Variants in PRSS8 observed in about 807,000 individuals in gnomAD.
The protein encoded by PRSS8 is prostasin.
A neutral mutation model predicts 26.7 loss-of-function variants in PRSS8; 11 were observed. The ratio of observed to expected loss-of-function variants is 0.41; its 90% CI spans 0.26 to 0.68. PRSS8 has a LOEUF of 0.68. Ranked by LOEUF, PRSS8 falls within the 30% of genes least tolerant of loss-of-function variation. The pLI, the probability that PRSS8 is intolerant of heterozygous loss-of-function variation, is 0.30. For missense variants in PRSS8, 362 were observed against 443.5 expected (o/e 0.82, Z 1.65); for synonymous variants, 183 against 187.0 (o/e 0.98, Z 0.17).
chr16:31,134,990 C>T, intron 2 of PRSS8, 164 bp downstream of exon 2: 1 of 821,160 alleles, frequency 1.2e-6, no homozygotes, highest in Non-Finnish European at 1.9e-6. Context: ...CAAGTCCCTG[C>T]TTCTCTGCCC....
rs758060792 is a variant in PRSS8, at chr16:31,133,175, G to A, written c.266+51C>T. The A allele has an allele frequency of 1.2e-6, 2 of 1,611,648 alleles. No individual in the cohort carries two copies. Among genetic ancestry groups the A allele is most frequent in the Admixed American group, 1.7e-5 (1 of 59,986 alleles). ...AGAACCCCAACCTCTGACCTGGATT[G>A]ACCCATTAACTTTGACCTCCAGCCC... is the stretch of plus-strand genomic sequence containing the variant. On this transcript the variant is annotated intron_variant, in intron 3 of 5. Coordinates refer to ENST00000317508, the MANE Select transcript of PRSS8 (RefSeq NM_002773.5). This position sits in a 1 kb window ranked among gnomAD's most constrained non-coding sequence, Gnocchi z 4.7.
chr16:31,131,464 T>G lies in PRSS8; in HGVS notation c.*545A>C. ...TCAAACATTTTAATCATTTCTGCCC[T>G]GTTACTCCCACCCCAGATCCAAGCG... is the stretch of plus-strand genomic sequence containing the variant. On this transcript the variant is annotated 3_prime_UTR_variant, in exon 6 of 6. Coordinates refer to ENST00000317508, the MANE Select transcript of PRSS8 (RefSeq NM_002773.5). 1.6e-6 allele frequency: 1 copy of G among 635,230 alleles called. No individual in the cohort carries two copies. The highest frequency in any genetic ancestry group is 2.0e-5 in the South Asian group (1 of 49,524). 39.3% of individuals were successfully genotyped at this position (635,230 alleles called of 1,614,324 possible). A position where few individuals can be genotyped will look rare whatever the true frequency, so the allele number is the denominator to read the frequency against.
Position 31,131,851 on chromosome 16 carries a change from C to G in PRSS8, c.*158G>C. ...CAGTGATGGTCCCAAAAAGCACACC[C>G]AGAAGAATGGGCTCAAAGATCAAGA... is the stretch of plus-strand genomic sequence containing the variant. On this transcript the variant is annotated 3_prime_UTR_variant, in exon 6 of 6. Coordinates refer to ENST00000317508, the MANE Select transcript of PRSS8 (RefSeq NM_002773.5). 2 of 777,146 alleles carry G rather than the reference C, an allele frequency of 2.6e-6. No homozygotes were observed. The highest frequency in any genetic ancestry group is 4.0e-6 in the Non-Finnish European group (2 of 504,558). The allele number at this position is 777,146 out of a possible 1,614,324, so 48.1% of individuals were successfully genotyped here.
chr16:31,132,894 G>T lies in PRSS8; in HGVS notation c.326C>A (p.Ser109Tyr), dbSNP rs1255246518. 6.2e-6 allele frequency: 10 copies of T among 1,613,524 alleles called. No individual in the cohort carries two copies. Among genetic ancestry groups the T allele is most frequent in the Non-Finnish European group, 8.5e-6 (10 of 1,179,768 alleles). The change falls in exon 4 of 6, where the codon TCC (serine) becomes TAC (tyrosine). Residue 109 changes from serine (S) to tyrosine (Y), a missense_variant. Physicochemically the swap from Ser to Tyr is moderately radical, Grantham distance 144. Transcript: ENST00000317508. The surrounding 1 kb of genome is among the most constrained non-coding windows in gnomAD (Gnocchi z 5.2). ...CAGGGTGCTGACCTTGGCGTCCTCG[G>T]AGTAGGAGTCTAGCTGGTGGGCCCC... Reference protein sequence around the residue: ...KLGAHQLDSYSEDAKVSTLKD... With the variant: ...KLGAHQLDSYYEDAKVSTLKD...
rs544693958 is a variant in PRSS8, at chr16:31,131,670, C to T, written c.*339G>A. The T allele has an allele frequency of 6.1e-4, 247 of 404,834 alleles. 1 individual carries two copies. The highest frequency in any genetic ancestry group is 9.0e-4 in the Non-Finnish European group (203 of 224,816). 25.1% of individuals were successfully genotyped at this position (404,834 alleles called of 1,614,324 possible). A position where few individuals can be genotyped will look rare whatever the true frequency, so the allele number is the denominator to read the frequency against. On this transcript the variant is annotated 3_prime_UTR_variant, in exon 6 of 6. Coordinates refer to ENST00000317508, the MANE Select transcript of PRSS8 (RefSeq NM_002773.5). ...TGCTCATCAGTCTGGGCAGGCGGGC[C>T]GGGAGCAGTCTTCCAGAAACAGGTG...
In PRSS8 at chr16:31,133,342, A is replaced by C. The variant is rs1417914633; in HGVS notation, c.150T>G (p.Ser50Arg). The change falls in exon 3 of 6, where the codon AGT becomes AGG. Residue 50 changes from serine to arginine, a missense_variant. Transcript: ENST00000317508. This position sits in a 1 kb window ranked among gnomAD's most constrained non-coding sequence, Gnocchi z 4.7. The part of the protein sequence containing the change: ...APQARITGGS[S>R]AVAGQWPWQV... ...GCCAGGGCCACTGACCGGCGACTGC[A>C]CTGCTGCCACCTGTGATGCGTGCTT... The C allele has an allele frequency of 6.2e-7, 1 of 1,614,012 alleles. No individual in the cohort carries two copies. Among genetic ancestry groups the C allele is most frequent in the South Asian group, 1.1e-5 (1 of 91,090 alleles).
chr16:31,135,435 C>G lies in PRSS8; in HGVS notation c.64G>C (p.Gly22Arg), dbSNP rs1185176905. The G allele has an allele frequency of 1.3e-6, 2 of 1,594,158 alleles. No homozygotes were observed. Among genetic ancestry groups the G allele is most frequent in the East Asian group, 2.3e-5 (1 of 43,674 alleles). The stretch of plus-strand genomic sequence containing the variant: ...TTACCTGTCCCCGACCGGAGTAATC[C>G]AAGATAGAGCAGAATGGCCACAGCC... ...LGAVAILLYL[G>R]LLRSGTGAEG... Residue 22 changes from glycine to arginine, a missense_variant, in exon 1 of 6, where the codon GGA becomes CGA. Gly to Arg is a moderately radical substitution (Grantham distance 125). Transcript: ENST00000317508.
At position 31,132,612 on chromosome 16, in the gene PRSS8, G is replaced by C. The variant is rs1312907470; in HGVS notation, c.539-17C>G. On this transcript the variant is annotated splice_polypyrimidine_tract_variant and intron_variant, in intron 4 of 5. Transcript: ENST00000317508. The surrounding 1 kb of genome is among the most constrained non-coding windows in gnomAD (Gnocchi z 5.2). ...GGAGGCTCACTGTGGGGGTAAAAGA[G>C]GCTTACCCTGGGCCCCTCCCCAAGT... 1 of 1,613,760 alleles carries C rather than the reference G, an allele frequency of 6.2e-7. No homozygotes were observed. The highest frequency in any genetic ancestry group is 8.5e-7 in the Non-Finnish European group (1 of 1,179,706).
Position 31,131,904 on chromosome 16 carries a change from G to A in PRSS8, c.*105C>T. On this transcript the variant is annotated 3_prime_UTR_variant, in exon 6 of 6. Transcript: ENST00000317508. ...GGGCCCCAGCCTCCCGCAGAGTCCTGAAGGAAGGAGTGGCTCAAGTCAGGC... is the reference window on the plus strand; with the variant it reads ...GGGCCCCAGCCTCCCGCAGAGTCCTAAAGGAAGGAGTGGCTCAAGTCAGGC... The A allele has an allele frequency of 1.5e-6, 2 of 1,304,734 alleles. No homozygotes were observed. Among genetic ancestry groups the A allele is most frequent in the Non-Finnish European group, 1.0e-6 (1 of 974,550 alleles). 80.8% of individuals were successfully genotyped at this position (1,304,734 alleles called of 1,614,324 possible). A position where few individuals can be genotyped will look rare whatever the true frequency, so the allele number is the denominator to read the frequency against.
Position 31,132,689 on chromosome 16 carries a change from G to A in PRSS8, c.531C>T (p.Ala177=). Residue 177 remains alanine, a synonymous_variant, in exon 4 of 6, where the codon GCC becomes GCT. Coordinates refer to ENST00000317508, the MANE Select transcript of PRSS8 (RefSeq NM_002773.5). The surrounding 1 kb of genome is among the most constrained non-coding windows in gnomAD (Gnocchi z 5.2). ...CCCAGCGTCCCACCTCACCTGAGGG[G>A]GCCACATGACCCCAGCCAGTGACAG... The part of the protein sequence containing the change: ...HCTVTGWGHV[A]PSVSLLTPKP... 7 of 1,613,960 alleles carry A rather than the reference G, an allele frequency of 4.3e-6. No homozygotes were observed. Among genetic ancestry groups the A allele is most frequent in the Non-Finnish European group, 5.9e-6 (7 of 1,179,864 alleles).
chr16:31,135,206 G>A lies in PRSS8; in HGVS notation c.86-35C>T, dbSNP rs187153607. On this transcript the variant is annotated intron_variant, in intron 1 of 5. Transcript: ENST00000317508. Reference sequence around the variant, plus strand: ...AAGAGAAAGAGGAGGGGTGAGTAGGGAAGACTCGGGTTCCCTGACCCCTTA... The same window carrying A: ...AAGAGAAAGAGGAGGGGTGAGTAGGAAAGACTCGGGTTCCCTGACCCCTTA... 3.5e-4 allele frequency: 571 copies of A among 1,612,488 alleles called. 1 individual carries two copies. The African/African-American group carries it at 5.8e-3, about 16-fold the overall frequency.
In PRSS8 at chr16:31,133,636, C is replaced by A. The variant is rs1454320534; in HGVS notation, c.104-248G>T. ...ACAAGTCTGAAGATTTTCATAAACC[C>A]CCAATCTGACCAGGCCACAGCCCTG... is the stretch of plus-strand genomic sequence containing the variant. On this transcript the variant is annotated intron_variant, in intron 2 of 5. Coordinates refer to ENST00000317508, the MANE Select transcript of PRSS8 (RefSeq NM_002773.5). The surrounding 1 kb of genome is among the most constrained non-coding windows in gnomAD (Gnocchi z 4.7). Among the ~76,000 whole-genome samples the A allele has an allele frequency of 6.6e-6, 1 of 152,202 alleles. No individual in the cohort carries two copies. Among genetic ancestry groups the A allele is most frequent in the Non-Finnish European group, 1.5e-5 (1 of 68,042 alleles).
chr16:31,132,729 T>C lies in PRSS8; in HGVS notation c.491A>G (p.Asn164Ser). The C allele has an allele frequency of 1.9e-6, 3 of 1,613,798 alleles. No individual in the cohort carries two copies. Among genetic ancestry groups the C allele is most frequent in the Non-Finnish European group, 2.5e-6 (3 of 1,179,838 alleles). ...CLPAANASFP[N>S]GLHCTVTGWG... is the part of the protein sequence containing the mutation. ...GCCAGTGACAGTGCAGTGGAGGCCGTTGGGGAAGGAGGCGTTGGCTGCAGG... is the reference window on the plus strand; with the variant it reads ...GCCAGTGACAGTGCAGTGGAGGCCGCTGGGGAAGGAGGCGTTGGCTGCAGG... Residue 164 changes from asparagine to serine, a missense_variant, in exon 4 of 6, where the codon AAC (asparagine) becomes AGC (serine). Coordinates refer to ENST00000317508, the MANE Select transcript of PRSS8 (RefSeq NM_002773.5). The surrounding 1 kb of genome is among the most constrained non-coding windows in gnomAD (Gnocchi z 5.2).
In PRSS8 at chr16:31,133,465, C is replaced by G; in HGVS notation, c.104-77G>C. ...GCAGCCCAGGAGCTCTGATATAGAG[C>G]TTGGGAAGTGGGTTCACAGGAGTCA... On this transcript the variant is annotated intron_variant, in intron 2 of 5. Coordinates refer to ENST00000317508, the MANE Select transcript of PRSS8 (RefSeq NM_002773.5). The surrounding 1 kb of genome is among the most constrained non-coding windows in gnomAD (Gnocchi z 4.7). The G allele has an allele frequency of 6.4e-7, 1 of 1,556,738 alleles. No individual in the cohort carries two copies. The highest frequency in any genetic ancestry group is 8.7e-7 in the Non-Finnish European group (1 of 1,151,184).
At position 31,133,452 on chromosome 16, in the gene PRSS8, C is replaced by T. The variant is rs575953009; in HGVS notation, c.104-64G>A. 1.3e-4 allele frequency: 204 copies of T among 1,587,108 alleles called. No homozygotes were observed. The African/African-American group carries it at 2.5e-3, about 20-fold the overall frequency. ...TGGCCACTCCTATGCAGCCCAGGAG[C>T]TCTGATATAGAGCTTGGGAAGTGGG... On this transcript the variant is annotated intron_variant, in intron 2 of 5. Coordinates refer to ENST00000317508, the MANE Select transcript of PRSS8 (RefSeq NM_002773.5). This position sits in a 1 kb window ranked among gnomAD's most constrained non-coding sequence, Gnocchi z 4.7.
In PRSS8 at chr16:31,132,754, G is replaced by C. The variant is rs2144002577; in HGVS notation, c.466C>G (p.Pro156Ala). Residue 156 changes from proline to alanine, a missense_variant, in exon 4 of 6, where the codon CCT becomes GCT. Pro to Ala is a conservative substitution (Grantham distance 27). Coordinates refer to ENST00000317508, the MANE Select transcript of PRSS8 (RefSeq NM_002773.5). This position sits in a 1 kb window ranked among gnomAD's most constrained non-coding sequence, Gnocchi z 5.2. ...TTGGGGAAGGAGGCGTTGGCTGCAG[G>C]GAGGCAGATGGGCCGGATGTAGCGG... ...FSRYIRPICL[P>A]AANASFPNGL... 6.2e-7 allele frequency: 1 copy of C among 1,614,036 alleles called. No homozygotes were observed. The highest frequency in any genetic ancestry group is 1.6e-4 in the Middle Eastern group (1 of 6,062).
At chr16:31,135,062 C>G in intron 2 of PRSS8, 92 bp downstream of exon 2, 1 of 1,483,402 alleles carries the variant, frequency 6.7e-7, no homozygotes, top group Non-Finnish European at 9.2e-7. Context: ...TGGAAGGCAG[C>G]CCAGCTGAAG....
Position 31,133,327 on chromosome 16 carries a change from C to T in PRSS8, c.165G>A (p.Gln55=). ...AGGTGATGCTGACCTGCCAGGGCCA[C>T]TGACCGGCGACTGCACTGCTGCCAC... ...ITGGSSAVAG[Q]WPWQVSITYE... is the part of the protein sequence containing the mutation. Residue 55 remains glutamine, a synonymous_variant, in exon 3 of 6, where the codon CAG becomes CAA. Transcript: ENST00000317508. This position sits in a 1 kb window ranked among gnomAD's most constrained non-coding sequence, Gnocchi z 4.7. 1 of 1,614,032 alleles carries T rather than the reference C, an allele frequency of 6.2e-7. No homozygotes were observed. The highest frequency in any genetic ancestry group is 8.5e-7 in the Non-Finnish European group (1 of 1,179,898).
rs925402551 is a variant in PRSS8, at chr16:31,132,367, G to A, written c.706-32C>T. ...AGAGAAGCCACACAGCAGCCATCAG[G>A]ACCGGGCCAGGCCTCCTTTCCGAAG... On this transcript the variant is annotated intron_variant, in intron 5 of 5. Transcript: ENST00000317508. This position sits in a 1 kb window ranked among gnomAD's most constrained non-coding sequence, Gnocchi z 5.2. The A allele has an allele frequency of 9.3e-6, 15 of 1,613,792 alleles. No individual in the cohort carries two copies. The highest frequency in any genetic ancestry group is 1.3e-5 in the Non-Finnish European group (15 of 1,179,882).
Sources: gnomAD v4.1 joint callset for allele counts (sites outside exome capture counted in the v4.1 genomes callset) on GRCh38, gnomAD v4.1.1 for gene constraint, Gnocchi (gnomAD v3.1) non-coding constraint, MANE v1.5 for transcripts, NCBI Gene and HGNC (gene_info 2026-07-23, HGNC 2026-07-21) for gene names.